Variants in CAMSAP1 observed in about 807,000 individuals in gnomAD.
CAMSAP1 encodes the protein calmodulin regulated spectrin associated protein 1.
Under a neutral mutation model 143.5 loss-of-function variants are expected in CAMSAP1, and 58 were observed. The ratio of observed to expected loss-of-function variants is 0.40; its 90% confidence interval spans 0.33 to 0.50. The LOEUF (loss-of-function observed/expected upper bound fraction) is 0.50, where lower values mean the gene tolerates loss of function less well. Ranked by LOEUF, CAMSAP1 falls within the 20% of genes least tolerant of loss-of-function variation. CAMSAP1 has a pLI of 0.45. For missense variants in CAMSAP1, 1,969 were observed against 2,115.7 expected (o/e 0.93, Z 1.36); for synonymous variants, 945 against 859.3 (o/e 1.10, Z -1.74).
At chr9:135,835,184 G>C (rs1459051879) in intron 7 of CAMSAP1, among the ~76,000 whole-genome samples, 2 of 152,118 alleles carry the variant, frequency 1.3e-5, no homozygotes, top group Non-Finnish European at 1.5e-5. Context: ...TACCAAGTAA[G>C]GGAGAAGTAC....
chr9:135,828,411 A>G (rs746266756), intron 7 of CAMSAP1, among the ~76,000 whole-genome samples: 2 of 152,182 alleles, frequency 1.3e-5, no homozygotes, highest in Non-Finnish European at 2.9e-5. Context: ...GGAAAAGATA[A>G]AGAGGGCTAA....
At chr9:135,840,217 C>T (rs968908928) in intron 7 of CAMSAP1, among the ~76,000 whole-genome samples, 1 of 152,178 alleles carries the variant, frequency 6.6e-6, no homozygotes, top group African/African-American at 2.4e-5. Context: ...GGCAGTAGGA[C>T]CCACTGCACA....
chr9:135,902,749 G>A (rs1588515956), intron 1 of CAMSAP1, among the ~76,000 whole-genome samples: 1 of 148,024 alleles, frequency 6.8e-6, no homozygotes, highest in South Asian at 2.1e-4. Context: ...TCAGTAGTTC[G>A]AATTACTCTA....
rs1363018715 is a variant in CAMSAP1 at position 135,811,122 on chromosome 9, G to A, written c.*187C>T. On this transcript the variant is annotated 3_prime_UTR_variant, in exon 17 of 17. Transcript: ENST00000389532. This position sits in a 1 kb window ranked among gnomAD's most constrained non-coding sequence, Gnocchi z 4.9. ...CTGCCTGGCATCCTCTGCGTGAGAT[G>A]AGCGCTGAGAGAGGGGTTTTCTTCT... 5.9e-6 allele frequency: 4 copies of A among 674,120 alleles called. No homozygotes were observed. The South Asian group carries it at 5.9e-5, about 10-fold the overall frequency. The allele number at this position is 674,120 out of a possible 1,614,324, so 41.8% of individuals were successfully genotyped here. A position where few individuals can be genotyped will look rare whatever the true frequency, so the allele number is the denominator to read the frequency against.
intron 7 of CAMSAP1, among the ~76,000 whole-genome samples, chr9:135,838,915 G>A (rs967579612): frequency 1.6e-4 from 25 of 151,676 alleles, no homozygotes; most frequent in African/African-American, 5.8e-4. Flanking sequence ...ACGTCACCAC[G>A]CACTTTCTAC....
At chr9:135,815,047 TA>T in intron 16 of CAMSAP1, 49 bp downstream of exon 16, 1 of 1,298,642 alleles carries the variant, frequency 7.7e-7, no homozygotes, top group Non-Finnish European at 1.1e-6. Context: ...CCTTAATTTA[TA>T]AACACTTTTT....
chr9:135,891,825 G>GA (rs1564461036), intron 1 of CAMSAP1, among the ~76,000 whole-genome samples: 10 of 152,198 alleles, frequency 6.6e-5, no homozygotes, highest in Admixed American at 6.5e-4. Flanking sequence ...TAAAATATAT[G>GA]AAAAAATAGA....
rs1421229135 is a variant in CAMSAP1, at chr9:135,818,821, G to T, written c.3959+189C>A. 6.6e-6 allele frequency among the ~76,000 whole-genome samples: 1 copy of T among 152,042 alleles called. No homozygotes were observed. The highest frequency in any genetic ancestry group is 1.9e-4 in the East Asian group (1 of 5,170). ...AGGCCACACAGCCTCCCTGGCCACCGGCAACGCACGTCCTCACTGAAGATC... is the reference window on the plus strand; with the variant it reads ...AGGCCACACAGCCTCCCTGGCCACCTGCAACGCACGTCCTCACTGAAGATC... On this transcript the variant is annotated intron_variant, in intron 12 of 16. Transcript: ENST00000389532. This position sits in a 1 kb window ranked among gnomAD's most constrained non-coding sequence, Gnocchi z 7.7.
intron 7 of CAMSAP1, among the ~76,000 whole-genome samples, chr9:135,842,913 C>A (rs559626278): frequency 9.0e-4 from 137 of 152,334 alleles, no homozygotes; most frequent in African/African-American, 3.2e-3. Context: ...TCAACACTAT[C>A]TATGAAGAAA....
chr9:135,876,248 C>T (rs1837743755), intron 3 of CAMSAP1, among the ~76,000 whole-genome samples: 2 of 152,306 alleles, frequency 1.3e-5, no homozygotes, highest in South Asian at 4.1e-4. Context: ...CCACCACACC[C>T]AGCCAACCTT....
chr9:135,870,830 C>T, intron 3 of CAMSAP1, among the ~76,000 whole-genome samples: 1 of 152,096 alleles, frequency 6.6e-6, no homozygotes, highest in East Asian at 1.9e-4. Context: ...TAAAAATCCA[C>T]TGACTAGTAC....
chr9:135,894,088 G>T (rs988074374), intron 1 of CAMSAP1, among the ~76,000 whole-genome samples: 1 of 152,132 alleles, frequency 6.6e-6, no homozygotes, highest in Non-Finnish European at 1.5e-5. Flanking sequence ...TTCTGCCCTG[G>T]ATTGAGTAGG....
chr9:135,812,968 AAG>A (rs1390034743), intron 16 of CAMSAP1, among the ~76,000 whole-genome samples: 2 of 149,962 alleles, frequency 1.3e-5, no homozygotes, highest in Non-Finnish European at 3.0e-5. Flanking sequence ...AAAAAAAAAA[AAG>A]AAGAATCTGA....
chr9:135,884,374 T>C (rs1345168088), intron 1 of CAMSAP1, among the ~76,000 whole-genome samples: 1 of 152,122 alleles, frequency 6.6e-6, no homozygotes, highest in African/African-American at 2.4e-5. Context: ...TCTGCTGCCA[T>C]CTCTTCTGGC....
At chr9:135,827,689 C>A in intron 7 of CAMSAP1, 105 bp from the exon 8 acceptor site, 3 of 1,099,050 alleles carry the variant, frequency 2.7e-6, no homozygotes, top group Middle Eastern at 3.0e-4. Flanking sequence ...TTATTGAAAC[C>A]AAACTTCTGC....
intron 4 of CAMSAP1, 56 bp from the exon 5 acceptor site, chr9:135,862,664 T>C (rs2130933798): frequency 2.0e-6 from 3 of 1,521,590 alleles, no homozygotes; most frequent in South Asian, 1.2e-5. Context: ...CACTACCATA[T>C]ATGTTACAGG....
intron 14 of CAMSAP1, 78 bp from the exon 15 acceptor site, chr9:135,816,083 G>T: frequency 7.5e-7 from 1 of 1,339,664 alleles, no homozygotes; most frequent in Non-Finnish European, 1.1e-6. Context: ...GGGCTGGCCC[G>T]CAACCAGGAC....
chr9:135,853,427 G>GA (rs1836846410), intron 5 of CAMSAP1, among the ~76,000 whole-genome samples: 2 of 152,194 alleles, frequency 1.3e-5, no homozygotes, highest in Admixed American at 1.3e-4. Flanking sequence ...GAGAGACACA[G>GA]AAATAACACA....
chr9:135,906,751 T>C (rs1838792212), intron 1 of CAMSAP1, among the ~76,000 whole-genome samples: 1 of 151,624 alleles, frequency 6.6e-6, no homozygotes, highest in Non-Finnish European at 1.5e-5. Flanking sequence ...ACTCCCGAAA[T>C]AGGAGCGGAA....
Sources: gnomAD v4.1 joint callset for allele counts (sites outside exome capture counted in the v4.1 genomes callset) on GRCh38, gnomAD v4.1.1 for gene constraint, Gnocchi (gnomAD v3.1) non-coding constraint, MANE v1.5 for transcripts, NCBI Gene and HGNC (gene_info 2026-07-23, HGNC 2026-07-21) for gene names.